The following ARPP19 variants were observed in gnomAD, a reference collection of about 807,000 sequenced individuals.
ARPP19 encodes the protein cAMP-regulated phosphoprotein 19.
In ARPP19, 8 loss-of-function variants were observed where a neutral mutation model predicts 12.0. The observed-to-expected ratio is 0.67, with a 90% CI of 0.39 to 1.21. The LOEUF (loss-of-function observed/expected upper bound fraction) is 1.21, where lower values mean the gene tolerates loss of function less well. ARPP19 is among the 50% of genes most tolerant of loss of function. The pLI is 0.01. For synonymous variants in ARPP19, 47 were observed against 50.4 expected (o/e 0.93, Z 0.29); for missense variants, 102 against 136.3 (o/e 0.75, Z 1.25).
rs2077972556 is a variant in ARPP19 at position 52,555,410 on chromosome 15, T to C, written c.168+1690A>G. ...TAATAGCCAAAGATTAAATAATTTA[T>C]CTCATAACTAAAAACACAGTTGTCA... is the stretch of plus-strand genomic sequence containing the variant. On this transcript the variant is annotated intron_variant, in intron 2 of 2. Transcript: ENST00000249822. Among the ~76,000 whole-genome samples the C allele has an allele frequency of 5.9e-5, 6 of 101,380 alleles. No homozygotes were observed. In the South Asian group the frequency reaches 1.8e-3, roughly 31 times the overall value. 66.5% of individuals were successfully genotyped at this position (101,380 alleles called of 152,430 possible).
intron 1 of ARPP19, chr15:52,564,091 A>C (rs2078059569): frequency 1.9e-5 from 15 of 781,158 alleles, no homozygotes; most frequent in Non-Finnish European, 3.1e-5. Context: ...TTAAGTATTC[A>C]AGTCTTGCAC....
At chr15:52,565,443 T>C (rs998380159) in intron 1 of ARPP19, among the ~76,000 whole-genome samples, 8 of 152,220 alleles carry the variant, frequency 5.3e-5, no homozygotes, top group Admixed American at 2.6e-4. Flanking sequence ...AATGTTTTGT[T>C]TTCACTTCAG....
At position 52,551,743 on chromosome 15, in the gene ARPP19, T is replaced by C. The variant is rs2077933260; in HGVS notation, c.*191A>G. ...ACTTATGTTGCTCTAACATGTCCTC[T>C]TCACCAGTGCACTGTTAAACTAATC... On this transcript the variant is annotated 3_prime_UTR_variant, in exon 3 of 3. Coordinates refer to ENST00000249822, the MANE Select transcript of ARPP19 (RefSeq NM_006628.6). The C allele has an allele frequency of 3.6e-6, 2 of 556,444 alleles. No individual in the cohort carries two copies. The highest frequency in any genetic ancestry group is 6.4e-6 in the Non-Finnish European group (2 of 314,714). The allele number at this position is 556,444 out of a possible 1,614,324, so 34.5% of individuals were successfully genotyped here.
In ARPP19 at chr15:52,549,793, A is replaced by G. The variant is rs1216757038; in HGVS notation, c.*2141T>C. On this transcript the variant is annotated 3_prime_UTR_variant, in exon 3 of 3. Transcript: ENST00000249822. ...AAAAAAACCAAGACTAGATATAGAA[A>G]TTCTACTCTGGGTTATTTTAAACTT... The G allele has an allele frequency of 6.6e-6, 1 of 152,608 alleles. No homozygotes were observed. The highest frequency in any genetic ancestry group is 1.5e-5 in the Non-Finnish European group (1 of 68,046). 9.5% of individuals were successfully genotyped at this position (152,608 alleles called of 1,614,324 possible).
intron 1 of ARPP19, among the ~76,000 whole-genome samples, chr15:52,565,767 T>A (rs1259464306): frequency 1.3e-5 from 2 of 152,232 alleles, no homozygotes; most frequent in Admixed American, 1.3e-4. Flanking sequence ...ATATTCCAAA[T>A]ACATTGGAAA....
intron 2 of ARPP19, among the ~76,000 whole-genome samples, chr15:52,556,228 A>C (rs1372496968): frequency 6.6e-6 from 1 of 152,144 alleles, no homozygotes; most frequent in African/African-American, 2.4e-5. Context: ...CAGTATATGA[A>C]TGTATTTAAG....
In ARPP19 at chr15:52,554,249, C is replaced by T. The variant is rs184933891; in HGVS notation, c.169-2145G>A. 1.2e-3 allele frequency among the ~76,000 whole-genome samples: 189 copies of T among 152,130 alleles called. 1 individual carries two copies. Among genetic ancestry groups the T allele is most frequent in the African/African-American group, 4.4e-3 (181 of 41,510 alleles). ...GCAAAAGTTCATCACAAGGGGGTCT[C>T]AATTAACTGTAGATTAGGCTACTCT... On this transcript the variant is annotated intron_variant, in intron 2 of 2. Transcript: ENST00000249822.
At chr15:52,559,502 C>CT (rs1187780939) in intron 1 of ARPP19, among the ~76,000 whole-genome samples, 2 of 152,190 alleles carry the variant, frequency 1.3e-5, no homozygotes, top group Admixed American at 6.5e-5. Context: ...ATAAAAGTGA[C>CT]TACCTGCTCT....
intron 2 of ARPP19, among the ~76,000 whole-genome samples, chr15:52,555,882 T>G (rs2077977270): frequency 6.6e-6 from 1 of 152,156 alleles, no homozygotes; most frequent in Non-Finnish European, 1.5e-5. Context: ...TTTTTATATT[T>G]CCTGTTAAAA....
Position 52,548,085 on chromosome 15 carries a change from C to T in ARPP19, c.*3849G>A, listed in dbSNP as rs2077894486. On this transcript the variant is annotated 3_prime_UTR_variant, in exon 3 of 3. Transcript: ENST00000249822. Reference sequence around the variant, plus strand: ...AAACACCAATTTTAGAGCAGAGGAGCAGTAATCCCCTTTATCTGCAATTTC... The same window carrying T: ...AAACACCAATTTTAGAGCAGAGGAGTAGTAATCCCCTTTATCTGCAATTTC... 6.6e-6 allele frequency: 1 copy of T among 152,244 alleles called. No individual in the cohort carries two copies. Among genetic ancestry groups the T allele is most frequent in the African/African-American group, 2.4e-5 (1 of 41,464 alleles). 9.4% of individuals were successfully genotyped at this position (152,244 alleles called of 1,614,324 possible). A position where few individuals can be genotyped will look rare whatever the true frequency, so the allele number is the denominator to read the frequency against.
intron 1 of ARPP19, among the ~76,000 whole-genome samples, chr15:52,562,093 A>C (rs1254926550): frequency 6.6e-6 from 1 of 152,168 alleles, no homozygotes; most frequent in Non-Finnish European, 1.5e-5. Flanking sequence ...TGGCATGAAA[A>C]TATACAAAGC....
intron 1 of ARPP19, among the ~76,000 whole-genome samples, chr15:52,564,025 C>A (rs1269721087): frequency 1.3e-5 from 2 of 152,184 alleles, no homozygotes; most frequent in African/African-American, 2.4e-5. Context: ...AGGATTTCAC[C>A]ATCAGCTCAT....
At chr15:52,568,815 G>GCAGGGCCCAGGGCT in intron 1 of ARPP19, 33 bp downstream of exon 1, 1 of 1,531,304 alleles carries the variant, frequency 6.5e-7, no homozygotes, top group Non-Finnish European at 8.7e-7. Flanking sequence ...CCGGCCTTGG[G>GCAGGGCCCAGGGCT]CAGGGCCCAG....
intron 1 of ARPP19, among the ~76,000 whole-genome samples, chr15:52,565,315 C>G (rs1292082096): frequency 1.3e-5 from 2 of 152,084 alleles, no homozygotes; most frequent in South Asian, 4.2e-4. Flanking sequence ...AAGAGCCACC[C>G]TGTAGGGCCA....
At position 52,557,093 on chromosome 15, in the gene ARPP19, A is replaced by C. The variant is rs576413154; in HGVS notation, c.168+7T>G. ...TAAGTATTTGGAAATTACCCATGAG[A>C]ACTTACCCCTTTCTGCAACCGTTTC... On this transcript the variant is annotated splice_region_variant and intron_variant, in intron 2 of 2. Transcript: ENST00000249822. 2 of 1,611,546 alleles carry C rather than the reference A, an allele frequency of 1.2e-6. No individual in the cohort carries two copies. Among genetic ancestry groups the C allele is most frequent in the East Asian group, 4.5e-5 (2 of 44,796 alleles).
rs1384334378 is a variant in ARPP19, at chr15:52,547,251, G to A, written c.*4683C>T. 1.3e-5 allele frequency: 2 copies of A among 152,114 alleles called. No individual in the cohort carries two copies. The highest frequency in any genetic ancestry group is 2.9e-5 in the Non-Finnish European group (2 of 68,022). 9.4% of individuals were successfully genotyped at this position (152,114 alleles called of 1,614,324 possible). A position where few individuals can be genotyped will look rare whatever the true frequency, so the allele number is the denominator to read the frequency against. On this transcript the variant is annotated 3_prime_UTR_variant, in exon 3 of 3. Transcript: ENST00000249822. ...AAATTAAATCAATAGAAATTAGGTA[G>A]ATCCATTTATTTTTTAAATACAAGT...
At position 52,551,649 on chromosome 15, in the gene ARPP19, C is replaced by T. The variant is rs2077932464; in HGVS notation, c.*285G>A. On this transcript the variant is annotated 3_prime_UTR_variant, in exon 3 of 3. Coordinates refer to ENST00000249822, the MANE Select transcript of ARPP19 (RefSeq NM_006628.6). The stretch of plus-strand genomic sequence containing the variant: ...CAAAACATTAAAATTTTAAAACTTG[C>T]TTGTTACTTGTTAGAACCAGTACTA... The T allele has an allele frequency of 7.7e-6, 2 of 260,190 alleles. No individual in the cohort carries two copies. Among genetic ancestry groups the T allele is most frequent in the East Asian group, 7.6e-5 (1 of 13,154 alleles). 16.1% of individuals were successfully genotyped at this position (260,190 alleles called of 1,614,324 possible).
intron 1 of ARPP19, among the ~76,000 whole-genome samples, chr15:52,566,567 C>A (rs1340977153): frequency 6.6e-6 from 1 of 152,048 alleles, no homozygotes; most frequent in Non-Finnish European, 1.5e-5. Context: ...TACAGGCCTA[C>A]AGACATGCCA....
At chr15:52,565,009 G>T (rs1248951926) in intron 1 of ARPP19, among the ~76,000 whole-genome samples, 4 of 151,600 alleles carry the variant, frequency 2.6e-5, no homozygotes, top group Non-Finnish European at 4.4e-5. Context: ...CTGAGCATAA[G>T]CTGCTCACAG....
Sources: gnomAD v4.1 joint callset for allele counts (sites outside exome capture counted in the v4.1 genomes callset) on GRCh38, gnomAD v4.1.1 for gene constraint, MANE v1.5 for transcripts, NCBI Gene and HGNC (gene_info 2026-07-23, HGNC 2026-07-21) for gene names.